HS6ST2: variants seen among roughly 807,000 people sequenced by gnomAD.
HS6ST2 encodes heparan-sulfate 6-O-sulfotransferase 2.
In HS6ST2, 17 loss-of-function variants were observed where a neutral mutation model predicts 33.0. The ratio of observed to expected loss-of-function variants is 0.52; its 90% CI spans 0.35 to 0.77. HS6ST2 has a LOEUF of 0.77. Ranked by LOEUF, HS6ST2 falls within the 30% of genes least tolerant of loss-of-function variation. HS6ST2 has a pLI of 0.01. For missense variants in HS6ST2, 519 were observed against 551.7 expected (o/e 0.94, Z 0.59); for synonymous variants, 248 against 237.1 (o/e 1.05, Z -0.42).
intron 2 of HS6ST2, among the ~76,000 whole-genome samples, chrX:132,743,332 A>G (rs2064600634): frequency 8.9e-6 from 1 of 112,094 alleles, no homozygotes; most frequent in African/African-American, 3.2e-5. Flanking sequence ...GGGCAGGGTT[A>G]TGAAAAGGCT....
intron 3 of HS6ST2, among the ~76,000 whole-genome samples, chrX:132,687,871 C>T: frequency 9.0e-6 from 1 of 111,279 alleles, no homozygotes; most frequent in African/African-American, 3.3e-5. Context: ...GCCTCAGCCT[C>T]CCCAGTAGTT....
chrX:132,881,493 T>C (rs1437778452), intron 2 of HS6ST2, among the ~76,000 whole-genome samples: 2 of 121 alleles, frequency 0.017, no homozygotes, highest in African/African-American at 0.059. Context: ...TCTTGTAAAT[T>C]TGTTGAGTTC....
intron 2 of HS6ST2, among the ~76,000 whole-genome samples, chrX:132,818,318 C>T (rs1359407936): frequency 1.8e-5 from 2 of 110,935 alleles, no homozygotes; most frequent in Non-Finnish European, 3.8e-5. Context: ...TGACTTCAGG[C>T]AAGTCACTTA....
chrX:132,646,498 C>T (rs1199370313), intron 4 of HS6ST2, among the ~76,000 whole-genome samples: 1 of 99,787 alleles, frequency 1.0e-5, no homozygotes, highest in Non-Finnish European at 2.0e-5. Context: ...AGCAGCTCTG[C>T]ACTCTAGTCT....
chrX:132,707,219 T>C (rs992022171), intron 3 of HS6ST2, among the ~76,000 whole-genome samples: 6 of 112,118 alleles, frequency 5.4e-5, no homozygotes, highest in Admixed American at 4.7e-4. Context: ...AAATTAAGGC[T>C]CAGAGTGGAG....
chrX:132,918,298 A>G (rs942566642), intron 2 of HS6ST2, among the ~76,000 whole-genome samples: 1 of 112,175 alleles, frequency 8.9e-6, no homozygotes, highest in Admixed American at 9.4e-5. Context: ...GTCTCCCCCT[A>G]TGAAATCTTC....
chrX:132,640,305 T>C (rs1569476416), intron 4 of HS6ST2, among the ~76,000 whole-genome samples: 2 of 110,739 alleles, frequency 1.8e-5, no homozygotes, highest in South Asian at 3.9e-4. Flanking sequence ...ATTATGGTCA[T>C]CAAGGAAGGC....
At chrX:132,871,196 G>A (rs995537206) in intron 2 of HS6ST2, among the ~76,000 whole-genome samples, 5 of 112,596 alleles carry the variant, frequency 4.4e-5, no homozygotes, top group African/African-American at 1.6e-4. Flanking sequence ...GTGGTCATTA[G>A]AGAAATGCAA....
At chrX:132,866,484 A>G (rs1207087624) in intron 2 of HS6ST2, among the ~76,000 whole-genome samples, 11 of 84,930 alleles carry the variant, frequency 1.3e-4, no homozygotes, top group Non-Finnish European at 1.8e-4. Flanking sequence ...TTCCATATGA[A>G]CTTTAAAGTA....
At chrX:132,803,323 T>C (rs904606009) in intron 2 of HS6ST2, among the ~76,000 whole-genome samples, 6 of 111,898 alleles carry the variant, frequency 5.4e-5, no homozygotes, top group African/African-American at 2.0e-4. Context: ...AGATATGACC[T>C]AATGGACACC....
chrX:132,812,523 A>C (rs2065358644), intron 2 of HS6ST2, among the ~76,000 whole-genome samples: 1 of 106,362 alleles, frequency 9.4e-6, no homozygotes, highest in Non-Finnish European at 1.9e-5. Flanking sequence ...TTCCCTAATG[A>C]TTAATGCTGT....
At chrX:132,685,114 G>A (rs1376638122) in intron 3 of HS6ST2, among the ~76,000 whole-genome samples, 1 of 111,501 alleles carries the variant, frequency 9.0e-6, no homozygotes, top group Non-Finnish European at 1.9e-5. Context: ...CACACAAAAA[G>A]GTACCAGAGC....
At chrX:132,695,130 A>G (rs1209837615) in intron 3 of HS6ST2, among the ~76,000 whole-genome samples, 1 of 111,124 alleles carries the variant, frequency 9.0e-6, no homozygotes, top group Non-Finnish European at 1.9e-5. Flanking sequence ...CAATGACTCA[A>G]CCAAACCCAT....
chrX:132,669,883 C>T (rs1351055805), intron 3 of HS6ST2: 2 of 112,624 alleles, frequency 1.8e-5, no homozygotes, highest in African/African-American at 6.5e-5. Flanking sequence ...GAATTAATCA[C>T]CTAAAGGTAA....
intron 4 of HS6ST2, among the ~76,000 whole-genome samples, chrX:132,664,966 G>A (rs2063798962): frequency 8.9e-6 from 1 of 111,915 alleles, no homozygotes; most frequent in Non-Finnish European, 1.9e-5. Context: ...TAGCTATAGT[G>A]ATATATGAGT....
chrX:132,814,247 A>C (rs1195032569), intron 2 of HS6ST2, among the ~76,000 whole-genome samples: 1 of 112,096 alleles, frequency 8.9e-6, no homozygotes, highest in Non-Finnish European at 1.9e-5. Flanking sequence ...CCTGGCCTTC[A>C]AGAACATTTA....
chrX:132,882,547 A>G (rs1276175367), intron 2 of HS6ST2, among the ~76,000 whole-genome samples: 6 of 105,119 alleles, frequency 5.7e-5, no homozygotes, highest in African/African-American at 3.6e-5. Context: ...GGGTTTTCTA[A>G]ATATACAATC....
intron 3 of HS6ST2, among the ~76,000 whole-genome samples, chrX:132,684,817 C>A (rs1246517537): frequency 8.9e-6 from 1 of 111,864 alleles, no homozygotes. Flanking sequence ...TTGTTCAGGA[C>A]TCATGGGGTG....
chrX:132,951,277 C>T (rs761158308), intron 2 of HS6ST2, among the ~76,000 whole-genome samples: 10 of 111,411 alleles, frequency 9.0e-5, no homozygotes, highest in African/African-American at 3.3e-4. Context: ...CATTCAAGTC[C>T]TCCACAGTGG....
Sources: allele counts gnomAD v4.1 joint callset (sites outside exome capture counted in the v4.1 genomes callset), GRCh38; gene constraint gnomAD v4.1.1; transcripts MANE v1.5; gene names NCBI Gene and HGNC (gene_info 2026-07-23, HGNC 2026-07-21).